The following SUCLA2 variants were observed in gnomAD, a reference collection of about 807,000 sequenced individuals.
The protein encoded by SUCLA2 is succinate-CoA ligase ADP-forming subunit beta, also known as succinate--CoA ligase [ADP-forming] subunit beta, mitochondrial.
A neutral mutation model predicts 54.8 loss-of-function variants in SUCLA2; 30 were observed. The observed-to-expected ratio is 0.55, with a 90% CI of 0.41 to 0.74. The LOEUF (loss-of-function observed/expected upper bound fraction) is 0.74, where lower values mean the gene tolerates loss of function less well. Among genes scored for constraint, SUCLA2 ranks in the 30% least tolerant of loss-of-function variants. The probability of loss-of-function intolerance (pLI) is 0.00; values close to 1 mark genes in which losing one functional copy is unlikely to be tolerated. For synonymous variants in SUCLA2, 172 were observed against 188.9 expected (o/e 0.91, Z 0.74); for missense variants, 476 against 562.9 (o/e 0.85, Z 1.56).
chr13:47,980,540 C>T (rs1950052408), intron 4 of SUCLA2, among the ~76,000 whole-genome samples: 1 of 151,900 alleles, frequency 6.6e-6, no homozygotes, highest in Non-Finnish European at 1.5e-5. Context: ...TCTACAGATT[C>T]AATGTAATCT....
chr13:47,963,240 T>C (rs928834137), intron 6 of SUCLA2, among the ~76,000 whole-genome samples: 1 of 152,224 alleles, frequency 6.6e-6, no homozygotes, highest in Admixed American at 6.5e-5. Context: ...ACCATTTATG[T>C]AAATGTTGAA....
At chr13:47,988,301 C>G in intron 4 of SUCLA2, 1 of 538,150 alleles carries the variant, frequency 1.9e-6, no homozygotes. Flanking sequence ...ATTTGAGAAT[C>G]CCATGAAATT....
intron 2 of SUCLA2, among the ~76,000 whole-genome samples, chr13:47,989,936 T>C (rs1385901406): frequency 6.6e-6 from 1 of 152,250 alleles, no homozygotes; most frequent in Non-Finnish European, 1.5e-5. Flanking sequence ...ATGGACTGAA[T>C]TTTTCTTCTT....
chr13:47,972,306 A>C (rs560950365), intron 5 of SUCLA2, among the ~76,000 whole-genome samples: 2 of 152,272 alleles, frequency 1.3e-5, no homozygotes, highest in East Asian at 1.9e-4. Context: ...TGCTGACTCA[A>C]ACAAATTGTA....
intron 4 of SUCLA2, among the ~76,000 whole-genome samples, chr13:47,977,169 T>C (rs1323700720): frequency 6.6e-6 from 1 of 152,188 alleles, no homozygotes; most frequent in Non-Finnish European, 1.5e-5. Flanking sequence ...TGAAAAATTA[T>C]GTATCAACAA....
chr13:47,997,074 C>T (rs1317605261), intron 1 of SUCLA2, 51 bp from the exon 2 acceptor site: 1 of 1,593,486 alleles, frequency 6.3e-7, no homozygotes, highest in Non-Finnish European at 8.6e-7. Context: ...GGCAGTCACT[C>T]TTGCTAACTA....
intron 6 of SUCLA2, 147 bp downstream of exon 6, chr13:47,968,448 T>C: frequency 1.1e-6 from 1 of 875,568 alleles, no homozygotes. Context: ...TTAATATTTG[T>C]TCATATTCAT....
At chr13:47,974,619 G>A (rs1326137) in intron 4 of SUCLA2, among the ~76,000 whole-genome samples, 142,448 of 152,252 alleles carry the variant, frequency 0.94, 66,668 homozygotes, top group East Asian at 1. Context: ...ATAAAAGAGA[G>A]AGCTAACTAG....
At chr13:48,000,057 A>T (rs1950218100) in intron 1 of SUCLA2, among the ~76,000 whole-genome samples, 1 of 152,072 alleles carries the variant, frequency 6.6e-6, no homozygotes, top group African/African-American at 2.4e-5. Flanking sequence ...GTTCAAGGTC[A>T]AAAAGTCACT....
At chr13:47,981,056 G>A (rs998365868) in intron 4 of SUCLA2, among the ~76,000 whole-genome samples, 2 of 152,110 alleles carry the variant, frequency 1.3e-5, no homozygotes, top group African/African-American at 4.8e-5. Context: ...TCTTAAACAT[G>A]ATACCAAAGG....
chr13:47,953,798 A>G (rs940280213), intron 8 of SUCLA2, among the ~76,000 whole-genome samples: 1 of 152,184 alleles, frequency 6.6e-6, no homozygotes, highest in Non-Finnish European at 1.5e-5. Context: ...GCCACACAAT[A>G]GATACACTCC....
At position 47,992,765 on chromosome 13, in the gene SUCLA2, G is replaced by GAAAATATTTA. The variant is rs1950159752; in HGVS notation, c.272-3785_272-3784insTAAATATTTT. On this transcript the variant is annotated intron_variant, in intron 2 of 10. Coordinates refer to ENST00000646932, the MANE Select transcript of SUCLA2 (RefSeq NM_003850.3). ...GTATCTAACTAATAAATATTTAAAA[G>GAAAATATTTA]AAAGAAAGAAGGTAAAGTCCTATTA... is the stretch of plus-strand genomic sequence containing the variant. Among the ~76,000 whole-genome samples, 10 of 152,254 alleles carry GAAAATATTTA rather than the reference G, an allele frequency of 6.6e-5. No individual in the cohort carries two copies. In the South Asian group the frequency reaches 2.1e-3, roughly 32 times the overall value.
intron 6 of SUCLA2, among the ~76,000 whole-genome samples, chr13:47,957,423 C>T (rs1949830197): frequency 6.6e-6 from 1 of 152,118 alleles, no homozygotes; most frequent in African/African-American, 2.4e-5. Context: ...CTGATGTGGG[C>T]AGGGAGTCTC....
intron 1 of SUCLA2, among the ~76,000 whole-genome samples, chr13:47,999,639 G>T (rs1950214731): frequency 6.6e-6 from 1 of 151,850 alleles, no homozygotes; most frequent in Admixed American, 6.6e-5. Flanking sequence ...CCCGGGAGGC[G>T]GAGCTTGCAG....
At position 47,979,857 on chromosome 13, in the gene SUCLA2, T is replaced by C. The variant is rs1216505271; in HGVS notation, c.535-6465A>G. Among the ~76,000 whole-genome samples, 5 of 152,178 alleles carry C rather than the reference T, an allele frequency of 3.3e-5. No individual in the cohort carries two copies. In the East Asian group the frequency reaches 5.8e-4, roughly 18 times the overall value. On this transcript the variant is annotated intron_variant, in intron 4 of 10. Transcript: ENST00000646932. Reference sequence around the variant, plus strand: ...AATTCTGTGTTTGCAGATGAGATGTTGTCATATGTAGAAATCCCTAAAGAT... The same window carrying C: ...AATTCTGTGTTTGCAGATGAGATGTCGTCATATGTAGAAATCCCTAAAGAT...
chr13:47,947,735 G>A (rs1230832986), intron 10 of SUCLA2, among the ~76,000 whole-genome samples: 2 of 152,072 alleles, frequency 1.3e-5, no homozygotes, highest in Non-Finnish European at 2.9e-5. Context: ...CAGTTTACAG[G>A]AAATACACAA....
chr13:47,977,853 G>C (rs1439742931), intron 4 of SUCLA2, among the ~76,000 whole-genome samples: 1 of 152,118 alleles, frequency 6.6e-6, no homozygotes, highest in Non-Finnish European at 1.5e-5. Flanking sequence ...AAAATCATAA[G>C]CATTCCTATA....
intron 6 of SUCLA2, 128 bp downstream of exon 6, chr13:47,968,467 A>AT (rs1231459040): frequency 5.7e-4 from 589 of 1,039,882 alleles, no homozygotes; most frequent in Non-Finnish European, 6.8e-4. Flanking sequence ...ATTCTATCTG[A>AT]TTTTTTTTTA....
chr13:47,992,012 A>T (rs1054509362), intron 2 of SUCLA2, among the ~76,000 whole-genome samples: 1 of 152,216 alleles, frequency 6.6e-6, no homozygotes, highest in Non-Finnish European at 1.5e-5. Flanking sequence ...AACGGAAGGG[A>T]GCAGCCACTA....
Sources: gnomAD v4.1 joint callset for allele counts (sites outside exome capture counted in the v4.1 genomes callset) on GRCh38, gnomAD v4.1.1 for gene constraint, MANE v1.5 for transcripts, NCBI Gene and HGNC (gene_info 2026-07-23, HGNC 2026-07-21) for gene names.